The following TLN2 variants were observed in gnomAD, a reference collection of about 807,000 sequenced individuals.
TLN2 encodes talin 2.
Under a neutral mutation model 294.7 loss-of-function variants are expected in TLN2, and 118 were observed. That is an observed-to-expected ratio of 0.40 (90% CI 0.34 to 0.47). The LOEUF (loss-of-function observed/expected upper bound fraction) is 0.47. Among genes scored for constraint, TLN2 ranks in the 20% least tolerant of loss-of-function variants. The probability of loss-of-function intolerance (pLI) is 0.84; values close to 1 mark genes in which losing one functional copy is unlikely to be tolerated. For synonymous variants in TLN2, 1,431 were observed against 1,304.5 expected (o/e 1.10, Z -2.09); for missense variants, 3,083 against 3,282.2 (o/e 0.94, Z 1.48).
chr15:62,479,303 C>T (rs1018638456), intron 1 of TLN2, among the ~76,000 whole-genome samples: 4 of 152,062 alleles, frequency 2.6e-5, no homozygotes, highest in Admixed American at 6.6e-5. Context: ...ACAGTAAAGG[C>T]GGGAGATGAT....
At chr15:62,579,894 A>G (rs1322852308) in intron 1 of TLN2, among the ~76,000 whole-genome samples, 1 of 152,222 alleles carries the variant, frequency 6.6e-6, no homozygotes, top group Admixed American at 6.5e-5. Flanking sequence ...ATGGAGGAGC[A>G]TGCACCTTCC....
At chr15:62,510,445 T>A (rs562777444) in intron 1 of TLN2, among the ~76,000 whole-genome samples, 1 of 152,348 alleles carries the variant, frequency 6.6e-6, no homozygotes, top group South Asian at 2.1e-4. Flanking sequence ...ATAATTTAGA[T>A]GATGAGATGG....
intron 54 of TLN2, chr15:62,832,690 C>T (rs1021261870): frequency 1.3e-5 from 2 of 151,792 alleles, no homozygotes; most frequent in African/African-American, 4.9e-5. Context: ...ACCTTGATGT[C>T]GTGTTGCCCT....
At chr15:62,553,822 T>C (rs1244848146) in intron 1 of TLN2, among the ~76,000 whole-genome samples, 3 of 152,214 alleles carry the variant, frequency 2.0e-5, no homozygotes, top group Non-Finnish European at 4.4e-5. Flanking sequence ...TATAAAATAC[T>C]TATTAAAATG....
intron 42 of TLN2, 52 bp downstream of exon 42, chr15:62,771,186 G>A (rs1567570198): frequency 6.6e-7 from 1 of 1,521,630 alleles, no homozygotes; most frequent in Non-Finnish European, 8.9e-7. Flanking sequence ...AAGCCATCAT[G>A]CATTCCTGCT....
intron 44 of TLN2, among the ~76,000 whole-genome samples, chr15:62,783,434 TG>T (rs754966063): frequency 8.5e-4 from 129 of 152,300 alleles, no homozygotes; most frequent in Non-Finnish European, 1.4e-3. Flanking sequence ...GGCGAGGGGC[TG>T]GCACACTCAC....
chr15:62,703,304 T>A (rs981755979), intron 19 of TLN2, among the ~76,000 whole-genome samples: 5 of 151,642 alleles, frequency 3.3e-5, no homozygotes, highest in African/African-American at 1.2e-4. Flanking sequence ...GGTTTCACTA[T>A]GTTGGTCAGG....
intron 45 of TLN2, among the ~76,000 whole-genome samples, chr15:62,791,492 A>C (rs11071693): frequency 6.6e-6 from 1 of 152,058 alleles, no homozygotes; most frequent in Non-Finnish European, 1.5e-5. Flanking sequence ...TTTTCCCTAA[A>C]AACAGTGTTT....
chr15:62,691,034 G>GGGAGACCATA (rs1429877616), intron 12 of TLN2, among the ~76,000 whole-genome samples: 1 of 34,646 alleles, frequency 2.9e-5, no homozygotes. Context: ...CCGTGGGAGA[G>GGGAGACCATA]GGAGAGGGAG....
intron 22 of TLN2, among the ~76,000 whole-genome samples, chr15:62,715,666 T>G (rs1421970559): frequency 6.6e-6 from 1 of 152,186 alleles, no homozygotes; most frequent in Non-Finnish European, 1.5e-5. Flanking sequence ...GCATATTGCC[T>G]TCCTCTTTTT....
At chr15:62,705,430 G>A (rs1162621267) in intron 19 of TLN2, among the ~76,000 whole-genome samples, 1 of 149,876 alleles carries the variant, frequency 6.7e-6, no homozygotes, top group Non-Finnish European at 1.5e-5. Context: ...TAGTGGTCTT[G>A]TTGAAAATTT....
chr15:62,588,344 C>A (rs1344818724), intron 1 of TLN2, among the ~76,000 whole-genome samples: 1 of 151,672 alleles, frequency 6.6e-6, no homozygotes, highest in African/African-American at 2.4e-5. Flanking sequence ...GTTTTTGTTA[C>A]TATAAAGAAA....
At chr15:62,441,355 C>A (rs1350808242) in intron 1 of TLN2, among the ~76,000 whole-genome samples, 1 of 152,254 alleles carries the variant, frequency 6.6e-6, no homozygotes, top group Non-Finnish European at 1.5e-5. Context: ...CTTCAGCCTC[C>A]TGAGTAGCTG....
intron 1 of TLN2, among the ~76,000 whole-genome samples, chr15:62,557,336 TCTTTGG>T (rs1341900702): frequency 2.0e-5 from 3 of 152,024 alleles, no homozygotes; most frequent in Non-Finnish European, 2.9e-5. Context: ...ATCCAGAGGG[TCTTTGG>T]AGGCCGCATG....
At chr15:62,480,325 A>G (rs2038011046) in intron 1 of TLN2, among the ~76,000 whole-genome samples, 1 of 152,074 alleles carries the variant, frequency 6.6e-6, no homozygotes. Context: ...GCGATTCTCC[A>G]GCCTCAACTT....
chr15:62,701,294 T>TTAAATTTAAAATTAAAA, intron 17 of TLN2, 80 bp downstream of exon 17: 1 of 1,156,554 alleles, frequency 8.6e-7, no homozygotes, highest in Non-Finnish European at 1.2e-6. Flanking sequence ...AAAAATAAGT[T>TTAAATTTAAAATTAAAA]ATCTGTTGAT....
intron 57 of TLN2, among the ~76,000 whole-genome samples, chr15:62,836,665 C>CCTTCTCAG (rs11282827): frequency 0.28 from 41,866 of 151,878 alleles, 6,602 homozygotes; most frequent in African/African-American, 0.42. Flanking sequence ...ACAATCAAGT[C>CCTTCTCAG]CTTCTCAGAG....
At chr15:62,409,475 G>C (rs2033632174) in intron 1 of TLN2, among the ~76,000 whole-genome samples, 1 of 152,130 alleles carries the variant, frequency 6.6e-6, no homozygotes, top group Non-Finnish European at 1.5e-5. Flanking sequence ...AATCTTAATA[G>C]ATTGTTAGCT....
intron 1 of TLN2, among the ~76,000 whole-genome samples, chr15:62,587,280 T>A (rs2045688481): frequency 1.3e-5 from 2 of 152,264 alleles, no homozygotes; most frequent in African/African-American, 4.8e-5. Flanking sequence ...CACGAGATTT[T>A]AAAAGTTAAG....
Sources: gnomAD v4.1 joint callset for allele counts (sites outside exome capture counted in the v4.1 genomes callset) on GRCh38, gnomAD v4.1.1 for gene constraint, MANE v1.5 for transcripts, NCBI Gene and HGNC (gene_info 2026-07-23, HGNC 2026-07-21) for gene names.